Variants in SPON2 observed in about 807,000 individuals in gnomAD.
SPON2 encodes the protein spondin 2.
In SPON2, 32 loss-of-function variants were observed where a neutral mutation model predicts 29.9. That is an observed-to-expected ratio of 1.07 (90% CI 0.81 to 1.44). The LOEUF (loss-of-function observed/expected upper bound fraction) is 1.44. Among genes scored for constraint, SPON2 ranks in the 40% most tolerant of loss-of-function variants. The pLI, the probability that SPON2 is intolerant of heterozygous loss-of-function variation, is 0.00. For missense variants in SPON2, 541 were observed against 455.5 expected (o/e 1.19, Z -1.71); for synonymous variants, 248 against 209.1 (o/e 1.19, Z -1.61).
chr4:1,189,936 G>C (rs1318170113), intron 1 of SPON2, among the ~76,000 whole-genome samples: 1 of 148,960 alleles, frequency 6.7e-6, no homozygotes, highest in African/African-American at 2.5e-5. Flanking sequence ...TTGTAAGTGA[G>C]CTGAGATCAT....
chr4:1,180,106 ACT>A (rs1187281563), intron 1 of SPON2, among the ~76,000 whole-genome samples: 1 of 152,156 alleles, frequency 6.6e-6, no homozygotes, highest in African/African-American at 2.4e-5. Flanking sequence ...CTCAGAAGGC[ACT>A]GAGCTCATAC....
intron 1 of SPON2, among the ~76,000 whole-genome samples, chr4:1,194,380 A>G (rs1478055664): frequency 6.6e-6 from 1 of 152,138 alleles, no homozygotes; most frequent in East Asian, 1.9e-4. Flanking sequence ...CCAGGGTGGG[A>G]GGCCTGGGAC....
upstream of SPON2, among the ~76,000 whole-genome samples, chr4:1,173,936 C>T (rs1249364773): frequency 1.3e-5 from 2 of 152,254 alleles, no homozygotes; most frequent in South Asian, 2.1e-4. Context: ...CGCAGTGGCT[C>T]ATGCCTGTAA....
rs1727462977 is a variant in SPON2 at position 1,171,855 on chromosome 4, G to A, written c.217C>T (p.Leu73=). 6.2e-7 allele frequency: 1 copy of A among 1,610,778 alleles called. No homozygotes were observed. Among genetic ancestry groups the A allele is most frequent in the Admixed American group, 1.7e-5 (1 of 60,010 alleles). ...FRPPAQWSSL[L]GAAHSSDYSM... is the part of the protein sequence containing the mutation. ...GCGAGGAGGGGGCTGTACTTACCCA[G>A]CAGCGAAGACCACTGCGCAGGGGGG... Residue 73 remains leucine (L), a synonymous_variant, in exon 2 of 6, where the codon CTG becomes TTG. Coordinates refer to ENST00000290902, the MANE Select transcript of SPON2 (RefSeq NM_012445.4).
intron 1 of SPON2, among the ~76,000 whole-genome samples, chr4:1,192,832 A>G (rs1303649549): frequency 6.6e-6 from 1 of 152,210 alleles, no homozygotes; most frequent in Non-Finnish European, 1.5e-5. Flanking sequence ...ACGGCCCAGC[A>G]TCAAGCCCTC....
chr4:1,198,146 C>A (rs80212361), upstream of SPON2, among the ~76,000 whole-genome samples: 4,993 of 152,142 alleles, frequency 0.033, 177 homozygotes, highest in East Asian at 0.19. Context: ...AAGAAAGAGA[C>A]CCCAGTATGG....
At chr4:1,182,599 G>C (rs893805165) in intron 1 of SPON2, among the ~76,000 whole-genome samples, 4 of 152,160 alleles carry the variant, frequency 2.6e-5, no homozygotes, top group African/African-American at 7.2e-5. Context: ...AAACCTGTGG[G>C]ACACCATAAA....
At chr4:1,186,318 T>TG (rs1560207827) in intron 1 of SPON2, among the ~76,000 whole-genome samples, 4 of 151,848 alleles carry the variant, frequency 2.6e-5, no homozygotes, top group Admixed American at 6.6e-5. Context: ...TTTTTTTTTT[T>TG]TTTGAGATGG....
chr4:1,170,309 G>T, intron 5 of SPON2, 93 bp downstream of exon 5: 1 of 1,281,166 alleles, frequency 7.8e-7, no homozygotes, highest in Non-Finnish European at 1.1e-6. Context: ...TCCCTACTTG[G>T]AATTTCTCAG....
At chr4:1,195,803 ATTTT>A (rs1207236099), upstream of SPON2, among the ~76,000 whole-genome samples, 1 of 149,452 alleles carries the variant, frequency 6.7e-6, no homozygotes, top group Non-Finnish European at 1.5e-5. Flanking sequence ...CACCCAGCTG[ATTTT>A]TTTTTATTTT....
At chr4:1,180,129 C>G (rs79930241) in intron 1 of SPON2, among the ~76,000 whole-genome samples, 6,087 of 152,180 alleles carry the variant, frequency 0.04, 162 homozygotes, top group Middle Eastern at 0.061. Flanking sequence ...TTCTGACTGA[C>G]CTTCAGGCTC....
intron 1 of SPON2, among the ~76,000 whole-genome samples, chr4:1,193,748 GGGT>G (rs76801804): frequency 1.5e-4 from 8 of 53,480 alleles, no homozygotes; most frequent in African/African-American, 1.1e-3. Context: ...AGGACGTGGG[GGGT>G]GGTGTGGGAA....
At chr4:1,198,830 A>ATTT (rs1728130854), upstream of SPON2, among the ~76,000 whole-genome samples, 1 of 152,214 alleles carries the variant, frequency 6.6e-6, no homozygotes, top group Admixed American at 6.5e-5. Context: ...ATCTTTATGA[A>ATTT]TAAAAGCACT....
intron 1 of SPON2, among the ~76,000 whole-genome samples, chr4:1,186,019 C>A (rs537624521): frequency 1.3e-5 from 2 of 149,488 alleles, no homozygotes; most frequent in South Asian, 2.1e-4. Context: ...CCGAGGCGGG[C>A]GGATCACGAG....
intron 1 of SPON2, among the ~76,000 whole-genome samples, chr4:1,185,464 T>C (rs1371416684): frequency 6.6e-6 from 1 of 151,538 alleles, no homozygotes; most frequent in East Asian, 2.0e-4. Context: ...TCCCAGCACT[T>C]TGGGAGGCTG....
At chr4:1,198,738 G>A (rs78684790), upstream of SPON2, among the ~76,000 whole-genome samples, 192 of 152,214 alleles carry the variant, frequency 1.3e-3, no homozygotes, top group African/African-American at 4.5e-3. Context: ...CATCAGAGAC[G>A]TCATTTCATT....
At chr4:1,191,860 T>C (rs1186845131) in intron 1 of SPON2, among the ~76,000 whole-genome samples, 1 of 152,242 alleles carries the variant, frequency 6.6e-6, no homozygotes, top group Admixed American at 6.5e-5. Context: ...AGTGAGTTCC[T>C]GTCATTCTAC....
At chr4:1,172,178 AGCACCC>A in intron 1 of SPON2, 104 bp from the exon 2 acceptor site, 1 of 956,216 alleles carries the variant, frequency 1.0e-6, no homozygotes, top group Non-Finnish European at 1.5e-6. Context: ...GACGGCCCCG[AGCACCC>A]GCGACCCCCT....
chr4:1,208,020 G>A (rs1728389028), exon 1 of SPON2: 1 of 152,374 alleles, frequency 6.6e-6, no homozygotes, highest in Admixed American at 6.5e-5. Context: ...CTGCTCAGCG[G>A]GGCAGAGGTC....
Sources: gnomAD v4.1 joint callset for allele counts (sites outside exome capture counted in the v4.1 genomes callset) on GRCh38, gnomAD v4.1.1 for gene constraint, MANE v1.5 for transcripts, NCBI Gene and HGNC (gene_info 2026-07-23, HGNC 2026-07-21) for gene names.